NPAS3: variants seen among roughly 807,000 people sequenced by gnomAD.
NPAS3 encodes the protein neuronal PAS domain protein 3, also known as neuronal PAS domain-containing protein 3.
NPAS3 carries 14 observed loss-of-function variants against 73.1 expected under a neutral mutation model. The ratio of observed to expected loss-of-function variants is 0.19; its 90% CI spans 0.13 to 0.30. The LOEUF is 0.30. NPAS3 is among the 10% of genes least tolerant of loss of function. The pLI is 1.00. For synonymous variants in NPAS3, 620 were observed against 541.5 expected, an observed-to-expected ratio of 1.14 and a Z score of -2.01; for missense variants, 1,096 against 1,250.0, an observed-to-expected ratio of 0.88 and a Z score of 1.86.
chr14:33,041,102 T>C (rs1023353387), intron 1 of NPAS3, among the ~76,000 whole-genome samples: 1 of 152,140 alleles, frequency 6.6e-6, no homozygotes, highest in African/African-American at 2.4e-5. Context: ...ATTATTAGTA[T>C]TGGAACTTAA....
chr14:33,483,300 C>G (rs1006294022), intron 4 of NPAS3, among the ~76,000 whole-genome samples: 2 of 152,176 alleles, frequency 1.3e-5, no homozygotes, highest in Non-Finnish European at 2.9e-5. Context: ...CTAGGACAGA[C>G]AGTAGTAACC....
chr14:33,384,872 A>C (rs2046710189), intron 4 of NPAS3, among the ~76,000 whole-genome samples: 2 of 152,330 alleles, frequency 1.3e-5, no homozygotes, highest in Non-Finnish European at 2.9e-5. Context: ...TGTATCAGTC[A>C]AACAAACTTC....
chr14:33,776,221 GAGATCCA>G (rs1330944020), intron 8 of NPAS3, among the ~76,000 whole-genome samples: 1 of 152,136 alleles, frequency 6.6e-6, no homozygotes, highest in Non-Finnish European at 1.5e-5. Flanking sequence ...GCTGGAGAAG[GAGATCCA>G]ACCAGGGAAG....
chr14:33,151,055 T>C (rs185118521), intron 2 of NPAS3, among the ~76,000 whole-genome samples: 6 of 152,216 alleles, frequency 3.9e-5, no homozygotes, highest in Non-Finnish European at 8.8e-5. Flanking sequence ...TTTATTTGTT[T>C]TCAACCATTA....
At chr14:33,142,827 A>G (rs8003411) in intron 2 of NPAS3, among the ~76,000 whole-genome samples, 1,661 of 152,286 alleles carry the variant, frequency 0.011, 26 homozygotes, top group African/African-American at 0.034. Flanking sequence ...AATACCACTT[A>G]GCGGTGGCTC....
intron 3 of NPAS3, among the ~76,000 whole-genome samples, chr14:33,331,042 C>A (rs1403813896): frequency 6.6e-6 from 1 of 152,096 alleles, no homozygotes; most frequent in African/African-American, 2.4e-5. Context: ...ATAAAACATT[C>A]CTCAAACTGG....
intron 3 of NPAS3, among the ~76,000 whole-genome samples, chr14:33,233,892 T>C (rs1047284927): frequency 6.6e-6 from 1 of 152,170 alleles, no homozygotes; most frequent in Non-Finnish European, 1.5e-5. Context: ...TATGTTGGTC[T>C]GCCTCCTTTG....
intron 4 of NPAS3, among the ~76,000 whole-genome samples, chr14:33,480,019 C>T (rs921683257): frequency 1.1e-4 from 16 of 152,040 alleles, no homozygotes; most frequent in African/African-American, 3.6e-4. Flanking sequence ...CTTGAGTTGG[C>T]TCGTTTCCCA....
intron 6 of NPAS3, chr14:33,680,710 T>C (rs2297118): frequency 0.61 from 425,170 of 691,980 alleles, 132,138 homozygotes; most frequent in East Asian, 0.78. Context: ...CAAGGGGCTC[T>C]TGTGGCTTTT....
chr14:33,126,547 C>T (rs1037281957), intron 2 of NPAS3, among the ~76,000 whole-genome samples: 1 of 151,944 alleles, frequency 6.6e-6, no homozygotes, highest in African/African-American at 2.4e-5. Context: ...GAGAGCTGAC[C>T]ACAGAAGGAT....
intron 4 of NPAS3, among the ~76,000 whole-genome samples, chr14:33,515,676 C>G (rs148991019): frequency 5.9e-4 from 90 of 152,210 alleles, no homozygotes; most frequent in African/African-American, 1.8e-3. Context: ...ATTCTTCCAA[C>G]TCACGGAATA....
intron 6 of NPAS3, among the ~76,000 whole-genome samples, chr14:33,715,248 AT>A (rs2060926616): frequency 6.6e-6 from 1 of 152,148 alleles, no homozygotes; most frequent in Non-Finnish European, 1.5e-5. Flanking sequence ...TCATTCTGAT[AT>A]TTATATGATT....
chr14:33,135,383 G>A (rs1344501233), intron 2 of NPAS3, among the ~76,000 whole-genome samples: 1 of 152,102 alleles, frequency 6.6e-6, no homozygotes, highest in Non-Finnish European at 1.5e-5. Flanking sequence ...TATACTGTTT[G>A]GAACTCATCA....
At chr14:33,466,561 A>G (rs893167041) in intron 4 of NPAS3, among the ~76,000 whole-genome samples, 1 of 152,206 alleles carries the variant, frequency 6.6e-6, no homozygotes, top group African/African-American at 2.4e-5. Context: ...GTAAAGAAAT[A>G]CCTGAGACCG....
rs968807295 is a variant in NPAS3, at chr14:33,675,334, G to A, written c.559-877G>A. Among the ~76,000 whole-genome samples the A allele has an allele frequency of 4.6e-5, 7 of 152,082 alleles. No individual in the cohort carries two copies. In the East Asian group the frequency reaches 7.7e-4, roughly 17 times the overall value. On this transcript the variant is annotated intron_variant, in intron 5 of 11. Coordinates refer to ENST00000356141, the Ensembl canonical transcript of NPAS3. ...ACCAGCAACTTCTGCCCCTTCAGAC[G>A]GCGCACAACTCAGACGCAGGGGTCA...
intron 3 of NPAS3, among the ~76,000 whole-genome samples, chr14:33,342,459 T>G (rs1243220220): frequency 6.6e-6 from 1 of 152,198 alleles, no homozygotes; most frequent in Non-Finnish European, 1.5e-5. Flanking sequence ...AATTATGCCA[T>G]TTGGATAGGT....
chr14:33,575,664 T>G (rs2056404891), intron 5 of NPAS3, among the ~76,000 whole-genome samples: 1 of 152,236 alleles, frequency 6.6e-6, no homozygotes, highest in East Asian at 1.9e-4. Flanking sequence ...TGTTTGGAGC[T>G]TATTTTATGG....
intron 7 of NPAS3, among the ~76,000 whole-genome samples, chr14:33,745,496 C>T (rs545942176): frequency 3.2e-4 from 48 of 152,218 alleles, no homozygotes; most frequent in South Asian, 1.9e-3. Flanking sequence ...CAACCGTCTT[C>T]ATAAGGCTAT....
chr14:33,178,744 T>C (rs1465590178), intron 2 of NPAS3, among the ~76,000 whole-genome samples: 1 of 152,188 alleles, frequency 6.6e-6, no homozygotes, highest in African/African-American at 2.4e-5. Context: ...ATTTTCTATA[T>C]AGGATCATGT....
Sources: allele counts gnomAD v4.1 joint callset (sites outside exome capture counted in the v4.1 genomes callset), GRCh38; gene constraint gnomAD v4.1.1; transcripts MANE v1.5; gene names NCBI Gene and HGNC (gene_info 2026-07-23, HGNC 2026-07-21).